DIS3L2: variants seen among roughly 807,000 people sequenced by gnomAD.
DIS3L2 encodes the protein DIS3 like 3'-5' exoribonuclease 2.
DIS3L2 carries 34 observed loss-of-function variants against 97.5 expected under a neutral mutation model. The observed-to-expected ratio is 0.35, with a 90% CI of 0.27 to 0.46. The LOEUF is 0.46. Ranked by LOEUF, DIS3L2 falls within the 20% of genes least tolerant of loss-of-function variation. The pLI, the probability that DIS3L2 is intolerant of heterozygous loss-of-function variation, is 1.00. For synonymous variants in DIS3L2, 435 were observed against 445.2 expected (o/e 0.98, Z 0.29); for missense variants, 1,038 against 1,146.0 (o/e 0.91, Z 1.36).
At chr2:232,279,772 G>A (rs112061397) in intron 13 of DIS3L2, among the ~76,000 whole-genome samples, 6,696 of 151,916 alleles carry the variant, frequency 0.044, 191 homozygotes, top group African/African-American at 0.078. Flanking sequence ...CTCGTGATCT[G>A]TCCACCTCGG....
chr2:231,985,768 G>C (rs552914063), intron 1 of DIS3L2, among the ~76,000 whole-genome samples: 2 of 152,192 alleles, frequency 1.3e-5, no homozygotes, highest in East Asian at 3.9e-4. Context: ...AAGAATTAAG[G>C]ATATTTTCTT....
intron 5 of DIS3L2, among the ~76,000 whole-genome samples, chr2:232,051,739 G>A (rs57695483): frequency 6.9e-6 from 1 of 145,900 alleles, no homozygotes; most frequent in African/African-American, 2.5e-5. Flanking sequence ...GTGAACCCGG[G>A]AGGCGGAGCT....
chr2:232,027,173 C>T (rs1446858094), intron 4 of DIS3L2, among the ~76,000 whole-genome samples: 1 of 152,126 alleles, frequency 6.6e-6, no homozygotes, highest in Non-Finnish European at 1.5e-5. Context: ...CCCATAACCA[C>T]CTGTGGTCTA....
At chr2:231,964,360 A>G (rs990847850) in intron 1 of DIS3L2, among the ~76,000 whole-genome samples, 1 of 152,196 alleles carries the variant, frequency 6.6e-6, no homozygotes, top group African/African-American at 2.4e-5. Context: ...TTTTCTGCAG[A>G]AGGAAATCTT....
intron 4 of DIS3L2, among the ~76,000 whole-genome samples, chr2:232,028,350 ATTGAG>A (rs1694716160): frequency 1.3e-5 from 2 of 152,214 alleles, no homozygotes; most frequent in African/African-American, 4.8e-5. Flanking sequence ...AACTTTTAAT[ATTGAG>A]CAGTTCCCAA....
At chr2:232,342,156 T>C (rs1421007766), downstream of DIS3L2, among the ~76,000 whole-genome samples, 1 of 151,646 alleles carries the variant, frequency 6.6e-6, no homozygotes, top group Non-Finnish European at 1.5e-5. Flanking sequence ...TATACACATA[T>C]ACATATACAC....
At chr2:232,335,709 C>G in intron 19 of DIS3L2, 64 bp from the exon 20 acceptor site, 1 of 1,525,496 alleles carries the variant, frequency 6.6e-7, no homozygotes, top group Non-Finnish European at 8.9e-7. Context: ...TGAAGCCCTC[C>G]AGGGTGGAAG....
intron 1 of DIS3L2, among the ~76,000 whole-genome samples, chr2:231,977,246 G>T (rs1049695053): frequency 2.7e-5 from 4 of 149,132 alleles, no homozygotes; most frequent in African/African-American, 1.0e-4. Context: ...AGGACCGTCT[G>T]TCTGTACAAT....
intron 11 of DIS3L2, among the ~76,000 whole-genome samples, chr2:232,241,041 C>T (rs368754984): frequency 2.6e-5 from 4 of 152,206 alleles, no homozygotes; most frequent in Admixed American, 2.0e-4. Flanking sequence ...AGGGCCCGCA[C>T]GCCTCTGCTG....
At position 232,333,899 on chromosome 2, in the gene DIS3L2, G is replaced by A. The variant is rs761434540; in HGVS notation, c.2070G>A (p.Ala690=). Residue 690 remains alanine, a synonymous_variant, in exon 17 of 21, where the codon GCG becomes GCA. Coordinates refer to ENST00000325385, the MANE Select transcript of DIS3L2 (RefSeq NM_152383.5). ...ACCCAGCGCAGTTCCGGCACTACGC[G>A]CTCAATGTGCCCCTGTACACACACT... ...LQDPAQFRHY[A]LNVPLYTHFT... The A allele has an allele frequency of 4.3e-6, 7 of 1,612,730 alleles. No individual in the cohort carries two copies. The highest frequency in any genetic ancestry group is 4.0e-5 in the African/African-American group (3 of 74,930).
chr2:232,334,417 C>A lies in DIS3L2; in HGVS notation c.2207C>A (p.Ala736Glu). ...GCGCCCGATACCCTGCAGAAACAGG[C>A]GGACCACTGTAACGACCGCCGCATG... The part of the protein sequence containing the change: ...DMAPDTLQKQ[A>E]DHCNDRRMAS... The change falls in exon 18 of 21, where the codon GCG becomes GAG. Residue 736 changes from alanine (A) to glutamate (E), a missense_variant. Around this residue, in one of 3 missense-constraint regions of DIS3L2, gnomAD observed 221 missense variants for 246.9 expected, o/e 0.90. Coordinates refer to ENST00000325385, the MANE Select transcript of DIS3L2 (RefSeq NM_152383.5). The A allele has an allele frequency of 6.2e-7, 1 of 1,613,782 alleles. No homozygotes were observed. Among genetic ancestry groups the A allele is most frequent in the Non-Finnish European group, 8.5e-7 (1 of 1,180,000 alleles).
intron 14 of DIS3L2, among the ~76,000 whole-genome samples, chr2:232,311,618 T>G (rs1695137643): frequency 6.6e-6 from 1 of 152,200 alleles, no homozygotes. Context: ...GCCTCCCATG[T>G]GCCCCTCACT....
intron 13 of DIS3L2, among the ~76,000 whole-genome samples, chr2:232,298,778 ATAG>A (rs1275582191): frequency 6.6e-6 from 1 of 152,222 alleles, no homozygotes; most frequent in African/African-American, 2.4e-5. Flanking sequence ...ATTTATAAAC[ATAG>A]TAGTTGGCTT....
At chr2:232,259,203 C>T (rs1693650359) in intron 12 of DIS3L2, among the ~76,000 whole-genome samples, 1 of 152,066 alleles carries the variant, frequency 6.6e-6, no homozygotes, top group Admixed American at 6.6e-5. Flanking sequence ...ATCATCAGCA[C>T]TGCAGTCTCC....
At chr2:232,000,591 G>T (rs1693851812) in intron 1 of DIS3L2, among the ~76,000 whole-genome samples, 1 of 63,792 alleles carries the variant, frequency 1.6e-5, no homozygotes, top group Non-Finnish European at 3.2e-5. Flanking sequence ...AAATGAGAGG[G>T]ATTTCCTTTT....
chr2:232,022,247 G>T (rs1413897403), intron 3 of DIS3L2, among the ~76,000 whole-genome samples: 1 of 152,138 alleles, frequency 6.6e-6, no homozygotes. Context: ...CTGTTTCCGA[G>T]GTCCAGTTCT....
intron 14 of DIS3L2, among the ~76,000 whole-genome samples, chr2:232,316,861 T>TG (rs1218891099): frequency 6.6e-6 from 1 of 152,198 alleles, no homozygotes; most frequent in Non-Finnish European, 1.5e-5. Context: ...ATCAGTTAGC[T>TG]GGTCGCTATC....
At chr2:232,035,129 G>T (rs1410156764) in intron 5 of DIS3L2, among the ~76,000 whole-genome samples, 1 of 152,182 alleles carries the variant, frequency 6.6e-6, no homozygotes, top group Non-Finnish European at 1.5e-5. Flanking sequence ...TTGTGTGGGA[G>T]TCTAAGTCTC....
Position 232,292,628 on chromosome 2 carries a change from TCCAAAGGGGAC to T in DIS3L2, c.1660-7408_1660-7398del, listed in dbSNP as rs139062378. On this transcript the variant is annotated intron_variant, in intron 13 of 20. Transcript: ENST00000325385. This position sits in a 1 kb window ranked among gnomAD's most constrained non-coding sequence, Gnocchi z 4.4. The stretch of plus-strand genomic sequence containing the variant: ...CCCACCCTAGAGCAGGAGGCCTAGG[TCCAAAGGGGAC>T]CCAGTGGTAGTCTCATGCTCTGGCC... Among the ~76,000 whole-genome samples, 3,589 of 152,216 alleles carry T rather than the reference TCCAAAGGGGAC, an allele frequency of 0.024. 133 individuals are homozygous for T. Among genetic ancestry groups the T allele is most frequent in the African/African-American group, 0.081 (3,350 of 41,504 alleles).
Sources: gnomAD v4.1 joint callset for allele counts (sites outside exome capture counted in the v4.1 genomes callset) on GRCh38, gnomAD v4.1.1 for gene constraint, gnomAD v4.1.1 regional missense constraint, Gnocchi (gnomAD v3.1) non-coding constraint, MANE v1.5 for transcripts, NCBI Gene and HGNC (gene_info 2026-07-23, HGNC 2026-07-21) for gene names.